The following SLC44A5 variants were observed in gnomAD, a reference collection of about 807,000 sequenced individuals.
SLC44A5 encodes the protein choline transporter-like protein 5.
Under a neutral mutation model 101.8 loss-of-function variants are expected in SLC44A5, and 57 were observed. The ratio of observed to expected loss-of-function variants is 0.56; its 90% CI spans 0.45 to 0.70. The LOEUF is 0.70. Among genes scored for constraint, SLC44A5 ranks in the 30% least tolerant of loss-of-function variants. SLC44A5 has a pLI of 0.00. For synonymous variants in SLC44A5, 281 were observed against 290.9 expected (o/e 0.97, Z 0.35); for missense variants, 737 against 853.1 (o/e 0.86, Z 1.70).
chr1:75,592,999 ATTAAGTTTAAAAGT>A (rs1273206041), intron 1 of SLC44A5, among the ~76,000 whole-genome samples: 6 of 152,154 alleles, frequency 3.9e-5, no homozygotes, highest in African/African-American at 1.2e-4. Context: ...ATGGGATCAT[ATTAAGTTTAAAAGT>A]TTCTGCACAG....
intron 13 of SLC44A5, among the ~76,000 whole-genome samples, chr1:75,222,787 G>A (rs1211502024): frequency 1.3e-5 from 2 of 152,200 alleles, no homozygotes; most frequent in Non-Finnish European, 2.9e-5. Context: ...TTCTATTTTA[G>A]ATGTTTTCAC....
At chr1:75,384,901 T>C (rs1400532468) in intron 3 of SLC44A5, among the ~76,000 whole-genome samples, 1 of 150,996 alleles carries the variant, frequency 6.6e-6, no homozygotes, top group Non-Finnish European at 1.5e-5. Flanking sequence ...GGATTAAGAA[T>C]CTCACTCAAA....
chr1:75,254,544 A>C (rs1649855253), intron 6 of SLC44A5, among the ~76,000 whole-genome samples: 1 of 152,176 alleles, frequency 6.6e-6, no homozygotes, highest in Admixed American at 6.5e-5. Context: ...TCATCGGAAT[A>C]AAATAATAAA....
the SLC44A5 span, among the ~76,000 whole-genome samples, chr1:75,672,852 C>A: frequency 2.0e-5 from 3 of 152,056 alleles, no homozygotes; most frequent in Admixed American, 6.5e-5. Flanking sequence ...ATGCCCTGGG[C>A]CAGAAGGAAA....
chr1:75,232,723 C>G (rs1477872393), intron 12 of SLC44A5, among the ~76,000 whole-genome samples: 1 of 152,114 alleles, frequency 6.6e-6, no homozygotes, highest in African/African-American at 2.4e-5. Flanking sequence ...TATTCATTGT[C>G]TCATTTAATC....
intron 22 of SLC44A5, among the ~76,000 whole-genome samples, chr1:75,211,765 T>C (rs138828751): frequency 2.0e-3 from 303 of 152,188 alleles, no homozygotes; most frequent in Non-Finnish European, 2.7e-3. Flanking sequence ...GCCTTTTTTT[T>C]CCCTTTTTTG....
At chr1:75,361,249 T>C (rs1396676127) in intron 3 of SLC44A5, among the ~76,000 whole-genome samples, 1 of 152,162 alleles carries the variant, frequency 6.6e-6, no homozygotes, top group Non-Finnish European at 1.5e-5. Context: ...GATCATGTCA[T>C]TAGCAAGCAG....
chr1:75,262,969 A>G (rs549718991), intron 6 of SLC44A5, among the ~76,000 whole-genome samples: 40 of 152,320 alleles, frequency 2.6e-4, no homozygotes, highest in Non-Finnish European at 4.1e-4. Flanking sequence ...TACCTTATAC[A>G]AAAAGTAACT....
chr1:75,205,310 C>T (rs1180974687), intron 23 of SLC44A5: 1 of 152,188 alleles, frequency 6.6e-6, no homozygotes, highest in African/African-American at 2.4e-5. Context: ...TTCAGATCAA[C>T]ATGTTCCTTT....
chr1:75,239,521 G>A (rs747481216), intron 9 of SLC44A5, among the ~76,000 whole-genome samples: 4 of 151,910 alleles, frequency 2.6e-5, no homozygotes, highest in South Asian at 2.1e-4. Flanking sequence ...AGCCTTTCCC[G>A]ACTTTCCTGG....
At chr1:75,528,181 T>G (rs1329489920) in intron 2 of SLC44A5, among the ~76,000 whole-genome samples, 2 of 152,190 alleles carry the variant, frequency 1.3e-5, no homozygotes, top group Non-Finnish European at 2.9e-5. Context: ...TATCCTGTTG[T>G]GATGCCAAGA....
At chr1:75,292,689 C>T (rs1003398800) in intron 5 of SLC44A5, among the ~76,000 whole-genome samples, 2 of 152,134 alleles carry the variant, frequency 1.3e-5, no homozygotes, top group African/African-American at 4.8e-5. Flanking sequence ...GAATACCTGC[C>T]TTTCATTTAT....
At chr1:75,388,184 A>AGGT (rs1448618934) in intron 3 of SLC44A5, among the ~76,000 whole-genome samples, 4 of 147,660 alleles carry the variant, frequency 2.7e-5, no homozygotes, top group African/African-American at 1.0e-4. Flanking sequence ...CACAATGTGC[A>AGGT]CATGTACCCT....
chr1:75,227,779 A>G lies in SLC44A5; in HGVS notation c.932T>C (p.Ile311Thr). 1 of 1,593,302 alleles carries G rather than the reference A, an allele frequency of 6.3e-7. No individual in the cohort carries two copies. Among genetic ancestry groups the G allele is most frequent in the Non-Finnish European group, 8.5e-7 (1 of 1,174,252 alleles). The change falls in exon 13 of 24, where the codon ATT becomes ACT. Residue 311 changes from isoleucine to threonine, a missense_variant. Ile to Thr is a moderately conservative substitution (Grantham distance 89). Around this residue, in one of 3 missense-constraint regions of SLC44A5, gnomAD observed 665 missense variants for 764.4 expected, o/e 0.87. Transcript: ENST00000370859. ...AAAGTACATGCTTATGTTAGTCTGA[A>G]TCCCGATGTCATAGATAGTTAATAC... ...SSVLTIYDIG[I>T]QTNISMYFEL...
chr1:75,292,044 G>A (rs1336808039), intron 5 of SLC44A5, among the ~76,000 whole-genome samples: 4 of 151,662 alleles, frequency 2.6e-5, no homozygotes, highest in Non-Finnish European at 5.9e-5. Flanking sequence ...AGAAAGCAGG[G>A]TAAAGCGTAA....
intron 1 of SLC44A5, among the ~76,000 whole-genome samples, chr1:75,607,814 C>T (rs1014608236): frequency 1.3e-5 from 2 of 151,974 alleles, no homozygotes; most frequent in Admixed American, 6.6e-5. Flanking sequence ...GAGGCCTCAC[C>T]AGCCATGTGG....
chr1:75,357,784 C>T (rs963261214), intron 3 of SLC44A5, among the ~76,000 whole-genome samples: 3 of 152,154 alleles, frequency 2.0e-5, no homozygotes, highest in Admixed American at 1.3e-4. Context: ...TAAACACTTA[C>T]TCAAATCAGC....
intron 2 of SLC44A5, among the ~76,000 whole-genome samples, chr1:75,467,473 T>A (rs1043196100): frequency 1.3e-5 from 2 of 152,000 alleles, no homozygotes; most frequent in Admixed American, 1.3e-4. Context: ...GATAGTGACA[T>A]AGAAACAGAC....
intron 2 of SLC44A5, among the ~76,000 whole-genome samples, chr1:75,528,377 T>C (rs565214945): frequency 3.2e-4 from 49 of 152,290 alleles, no homozygotes; most frequent in Middle Eastern, 3.4e-3. Flanking sequence ...AAAAAAAGGA[T>C]GGTTTCTTAA....
Sources: allele counts gnomAD v4.1 joint callset (sites outside exome capture counted in the v4.1 genomes callset), GRCh38; gene constraint gnomAD v4.1.1; regional missense constraint gnomAD v4.1.1; transcripts MANE v1.5; gene names NCBI Gene and HGNC (gene_info 2026-07-23, HGNC 2026-07-21).